The following F2R variants were observed in gnomAD, a reference collection of about 807,000 sequenced individuals.
F2R encodes the protein proteinase-activated receptor 1.
In F2R, 12 loss-of-function variants were observed where a neutral mutation model predicts 18.3. The ratio of observed to expected loss-of-function variants is 0.66; its 90% CI spans 0.42 to 1.06. The LOEUF (loss-of-function observed/expected upper bound fraction) is 1.06, where lower values mean the gene tolerates loss of function less well. Ranked by LOEUF, F2R falls within the 50% of genes least tolerant of loss-of-function variation. F2R has a pLI of 0.00. For synonymous variants in F2R, 210 were observed against 219.9 expected (o/e 0.95, Z 0.40); for missense variants, 438 against 530.8 (o/e 0.83, Z 1.72).
At chr5:76,721,025 T>C (rs1748443043) in intron 1 of F2R, among the ~76,000 whole-genome samples, 1 of 152,238 alleles carries the variant, frequency 6.6e-6, no homozygotes, top group Admixed American at 6.5e-5. Flanking sequence ...CAGGCTGTTC[T>C]CAAACTCCTG....
intron 1 of F2R, among the ~76,000 whole-genome samples, chr5:76,717,112 A>T (rs1321947555): frequency 1.3e-5 from 2 of 152,232 alleles, no homozygotes; most frequent in Non-Finnish European, 2.9e-5. Context: ...ACACTGTGGG[A>T]TCCCAGTATT....
chr5:76,729,393 A>G (rs999642763), intron 1 of F2R, among the ~76,000 whole-genome samples: 2 of 152,170 alleles, frequency 1.3e-5, no homozygotes, highest in South Asian at 2.1e-4. Context: ...TTCCTTATAT[A>G]TTTTGGATAT....
chr5:76,728,764 C>T (rs2150582643), intron 1 of F2R, among the ~76,000 whole-genome samples: 1 of 141,888 alleles, frequency 7.0e-6, no homozygotes, highest in Middle Eastern at 4.2e-3. Flanking sequence ...AATCTCAGCT[C>T]ACTGCAACCT....
chr5:76,731,671 A>G (rs1748671288), intron 1 of F2R, among the ~76,000 whole-genome samples: 1 of 152,062 alleles, frequency 6.6e-6, no homozygotes, highest in South Asian at 2.1e-4. Context: ...CTGGGATTAC[A>G]GGTGCATGCC....
intron 1 of F2R, among the ~76,000 whole-genome samples, chr5:76,727,547 G>A (rs1232873141): frequency 3.3e-5 from 5 of 152,090 alleles, no homozygotes; most frequent in African/African-American, 1.2e-4. Flanking sequence ...TTCATTGTCT[G>A]GAGACCCTCT....
Position 76,732,882 on chromosome 5 carries a change from T to C in F2R, c.657T>C (p.Ala219=). ...TCTCCTGGCGTACTCTGGGAAGGGC[T>C]TCCTTCACTTGTCTGGCCATCTGGG... ...QSLSWRTLGR[A]SFTCLAIWAL... Residue 219 remains alanine (A), a synonymous_variant, in exon 2 of 2, where the codon GCT becomes GCC. Coordinates refer to ENST00000319211, the MANE Select transcript of F2R (RefSeq NM_001992.5). 2 of 1,614,196 alleles carry C rather than the reference T, an allele frequency of 1.2e-6. No individual in the cohort carries two copies. Among genetic ancestry groups the C allele is most frequent in the Non-Finnish European group, 1.7e-6 (2 of 1,180,042 alleles).
intron 1 of F2R, among the ~76,000 whole-genome samples, chr5:76,730,177 G>T (rs991180460): frequency 3.9e-5 from 6 of 152,194 alleles, no homozygotes; most frequent in Non-Finnish European, 5.9e-5. Flanking sequence ...TCTCTCTTGA[G>T]CAGAAGCTTA....
At position 76,733,457 on chromosome 5, in the gene F2R, G is replaced by A. The variant is rs369155737; in HGVS notation, c.1232G>A (p.Cys411Tyr). 1.9e-6 allele frequency: 3 copies of A among 1,614,096 alleles called. No homozygotes were observed. The South Asian group carries it at 3.3e-5, about 18-fold the overall frequency. ...TTGATGGCAAGTAAAATGGATACCT[G>A]CTCTAGTAACCTGAATAACAGCATA... ...GQLMASKMDT[C>Y]SSNLNNSIYK... Residue 411 changes from cysteine (C) to tyrosine (Y), a missense_variant, in exon 2 of 2, where the codon TGC (cysteine) becomes TAC (tyrosine). By Grantham distance (194) the Cys-to-Tyr change is radical (BLOSUM62 -2). Transcript: ENST00000319211.
At chr5:76,731,475 GAAA>G (rs1273714040) in intron 1 of F2R, among the ~76,000 whole-genome samples, 1 of 143,786 alleles carries the variant, frequency 7.0e-6, no homozygotes, top group Non-Finnish European at 1.5e-5. Context: ...CTGTGTCTCA[GAAA>G]AAAAAAGAAA....
chr5:76,735,115 T>C lies in F2R; in HGVS notation c.*1612T>C, dbSNP rs778130003. The C allele has an allele frequency of 6.6e-6, 1 of 152,300 alleles. No homozygotes were observed. Among genetic ancestry groups the C allele is most frequent in the Non-Finnish European group, 1.5e-5 (1 of 68,036 alleles). The allele number at this position is 152,300 out of a possible 1,614,324, so 9.4% of individuals were successfully genotyped here. On this transcript the variant is annotated 3_prime_UTR_variant, in exon 2 of 2. Coordinates refer to ENST00000319211, the MANE Select transcript of F2R (RefSeq NM_001992.5). ...AATTTGGAAATTAGGTTGAAACATA[T>C]CTCTTATCTTACGAAAAAATGGTAG...
chr5:76,720,843 T>G (rs1748437094), intron 1 of F2R, among the ~76,000 whole-genome samples: 1 of 152,192 alleles, frequency 6.6e-6, no homozygotes, highest in Non-Finnish European at 1.5e-5. Context: ...GGTCTAGGTG[T>G]CTTACTCAGG....
At chr5:76,716,458 C>A in intron 1 of F2R, 63 bp downstream of exon 1, 1 of 1,284,444 alleles carries the variant, frequency 7.8e-7, no homozygotes, top group Non-Finnish European at 1.0e-6. Context: ...CTGCGGGGGT[C>A]ACTGTTGCGC....
chr5:76,733,288 CTCTGTG>C lies in F2R; in HGVS notation c.1072_1077del (p.Cys358_Val359del), dbSNP rs1005106036. ...AGAGGCTGCCTACTTTGCCTACCTCCTCTGTGTCTGTGTCAGCAGCATAAGCTGCTG... is the reference window on the plus strand; with the variant it reads ...AGAGGCTGCCTACTTTGCCTACCTCCTCTGTGTCAGCAGCATAAGCTGCTG... On this transcript the variant is annotated inframe_deletion, in exon 2 of 2. Coordinates refer to ENST00000319211, the MANE Select transcript of F2R (RefSeq NM_001992.5). 9 of 1,614,092 alleles carry C rather than the reference CTCTGTG, an allele frequency of 5.6e-6. No individual in the cohort carries two copies. Among genetic ancestry groups the C allele is most frequent in the African/African-American group, 1.3e-5 (1 of 74,932 alleles).
chr5:76,724,203 G>A (rs912709924), intron 1 of F2R, among the ~76,000 whole-genome samples: 3 of 152,058 alleles, frequency 2.0e-5, no homozygotes, highest in Admixed American at 6.6e-5. Flanking sequence ...AAGTAGCTGG[G>A]ACTACAGGCA....
chr5:76,727,414 G>C (rs562487165), intron 1 of F2R, among the ~76,000 whole-genome samples: 111 of 152,328 alleles, frequency 7.3e-4, no homozygotes, highest in African/African-American at 2.7e-3. Context: ...GGTACTGGAG[G>C]TTCAGAGATT....
chr5:76,729,038 G>A lies in F2R; in HGVS notation c.89-3276G>A, dbSNP rs189072069. 1.1e-3 allele frequency among the ~76,000 whole-genome samples: 166 copies of A among 152,276 alleles called. 1 individual carries two copies. The Middle Eastern group carries it at 0.024, about 22-fold the overall frequency. On this transcript the variant is annotated intron_variant, in intron 1 of 1. Coordinates refer to ENST00000319211, the MANE Select transcript of F2R (RefSeq NM_001992.5). ...TGGATGTATGCCCAGCAGTGGAATT[G>A]CTGTATTATATAATAGTTCTATTTT...
At chr5:76,721,303 T>C (rs894425053) in intron 1 of F2R, among the ~76,000 whole-genome samples, 8 of 152,236 alleles carry the variant, frequency 5.3e-5, no homozygotes, top group African/African-American at 1.9e-4. Flanking sequence ...TTCTGCCTTT[T>C]TCTTTCTCTT....
At chr5:76,722,198 C>G (rs376518199) in intron 1 of F2R, among the ~76,000 whole-genome samples, 6 of 152,194 alleles carry the variant, frequency 3.9e-5, no homozygotes, top group African/African-American at 1.4e-4. Flanking sequence ...CAAAGCTGTC[C>G]CCATCCCCAG....
intron 1 of F2R, among the ~76,000 whole-genome samples, chr5:76,717,483 C>A (rs1313101762): frequency 6.6e-6 from 1 of 151,930 alleles, no homozygotes; most frequent in Non-Finnish European, 1.5e-5. Context: ...GTAGACACAT[C>A]AAGATTAAGA....
Sources: gnomAD v4.1 joint callset for allele counts (sites outside exome capture counted in the v4.1 genomes callset) on GRCh38, gnomAD v4.1.1 for gene constraint, MANE v1.5 for transcripts, NCBI Gene and HGNC (gene_info 2026-07-23, HGNC 2026-07-21) for gene names.